CDH4: variants seen among roughly 807,000 people sequenced by gnomAD.
CDH4 encodes the protein cadherin-4.
CDH4 carries 33 observed loss-of-function variants against 86.0 expected under a neutral mutation model. That is an observed-to-expected ratio of 0.38 (90% CI 0.29 to 0.51). CDH4 has a LOEUF of 0.51. Among genes scored for constraint, CDH4 ranks in the 20% least tolerant of loss-of-function variants. CDH4 has a pLI of 0.86. For missense variants in CDH4, 1,114 were observed against 1,307.4 expected (o/e 0.85, Z 2.28); for synonymous variants, 555 against 549.4 (o/e 1.01, Z -0.14).
chr20:61,273,359 G>T (rs1236568877), intron 2 of CDH4, among the ~76,000 whole-genome samples: 2 of 135,200 alleles, frequency 1.5e-5, no homozygotes, highest in Non-Finnish European at 3.1e-5. Flanking sequence ...GTTTGGGGGA[G>T]TACCGTGTGC....
At chr20:61,827,128 G>A (rs975527203) in intron 4 of CDH4, among the ~76,000 whole-genome samples, 18 of 152,044 alleles carry the variant, frequency 1.2e-4, no homozygotes, top group African/African-American at 2.4e-4. Flanking sequence ...AATAGACCTC[G>A]GTGGATTTGA....
chr20:61,860,823 T>C (rs1240837781), intron 6 of CDH4, among the ~76,000 whole-genome samples: 1 of 152,114 alleles, frequency 6.6e-6, no homozygotes, highest in Non-Finnish European at 1.5e-5. Context: ...GGGCTCCTCC[T>C]GCAGGATCCT....
At chr20:61,387,958 T>G (rs1022814858) in intron 2 of CDH4, among the ~76,000 whole-genome samples, 5 of 152,192 alleles carry the variant, frequency 3.3e-5, no homozygotes, top group African/African-American at 9.6e-5. Context: ...TGTGTTTAGC[T>G]AAAAGGTATC....
chr20:61,630,553 C>T (rs913356019), intron 2 of CDH4, among the ~76,000 whole-genome samples: 4 of 152,182 alleles, frequency 2.6e-5, no homozygotes, highest in African/African-American at 9.7e-5. Context: ...GATCCAGGCT[C>T]CCCGTTTTGC....
intron 2 of CDH4, among the ~76,000 whole-genome samples, chr20:61,705,891 C>T (rs1275607951): frequency 1.3e-5 from 2 of 152,230 alleles, no homozygotes; most frequent in Non-Finnish European, 2.9e-5. Context: ...TCAAATACCC[C>T]AGTTGTGTCA....
rs748173902 is a variant in CDH4, at chr20:61,663,989, G to A, written c.170-79574G>A. Among the ~76,000 whole-genome samples the A allele has an allele frequency of 6.6e-5, 10 of 152,184 alleles. No homozygotes were observed. Among genetic ancestry groups the A allele is most frequent in the Non-Finnish European group, 1.0e-4 (7 of 68,038 alleles). On this transcript the variant is annotated intron_variant, in intron 2 of 15. Transcript: ENST00000614565. The surrounding 1 kb of genome is among the most constrained non-coding windows in gnomAD (Gnocchi z 5.0). ...GTCTGTGTGCCACCGGGACCCTTCCGTAGACATGCACCATGAAGACCAGGC... is the reference window on the plus strand; with the variant it reads ...GTCTGTGTGCCACCGGGACCCTTCCATAGACATGCACCATGAAGACCAGGC...
intron 2 of CDH4, among the ~76,000 whole-genome samples, chr20:61,471,121 C>T (rs2085499618): frequency 6.6e-6 from 1 of 151,982 alleles, no homozygotes; most frequent in African/African-American, 2.4e-5. Flanking sequence ...GATATTAGTT[C>T]TTTAAATATT....
chr20:61,445,457 G>GC, intron 2 of CDH4, among the ~76,000 whole-genome samples: 1 of 152,216 alleles, frequency 6.6e-6, no homozygotes, highest in South Asian at 2.1e-4. Context: ...TCTGAGGCAG[G>GC]CGGGGCATGG....
At chr20:61,766,547 C>T (rs923836601) in intron 3 of CDH4, among the ~76,000 whole-genome samples, 1 of 152,200 alleles carries the variant, frequency 6.6e-6, no homozygotes, top group Non-Finnish European at 1.5e-5. Flanking sequence ...ACATTCACCC[C>T]ACACCTGGCA....
At chr20:61,336,496 C>G (rs758727730) in intron 2 of CDH4, among the ~76,000 whole-genome samples, 1 of 152,126 alleles carries the variant, frequency 6.6e-6, no homozygotes, top group Non-Finnish European at 1.5e-5. Flanking sequence ...AGCACAATAC[C>G]TATTCCTTCT....
chr20:61,666,210 G>A (rs951085825), intron 2 of CDH4, among the ~76,000 whole-genome samples: 4 of 152,338 alleles, frequency 2.6e-5, no homozygotes, highest in South Asian at 2.1e-4. Context: ...TGGGGTGGCT[G>A]TTGCCACACT....
At chr20:61,500,584 T>A (rs1009164608) in intron 2 of CDH4, among the ~76,000 whole-genome samples, 8 of 152,222 alleles carry the variant, frequency 5.3e-5, no homozygotes, top group African/African-American at 1.9e-4. Context: ...AATGTCTGCA[T>A]TCTGCAATGT....
chr20:61,538,296 G>A (rs1046563682), intron 2 of CDH4, among the ~76,000 whole-genome samples: 10 of 152,172 alleles, frequency 6.6e-5, no homozygotes, highest in African/African-American at 2.4e-4. Context: ...CCGTCACTCT[G>A]GGAGAAGGAC....
intron 4 of CDH4, among the ~76,000 whole-genome samples, chr20:61,799,006 G>C (rs756136716): frequency 1.7e-4 from 26 of 152,216 alleles, no homozygotes; most frequent in African/African-American, 5.3e-4. Flanking sequence ...TAAGCTCAAG[G>C]CTTTCTTAAT....
chr20:61,850,407 A>G (rs576135289), intron 5 of CDH4, among the ~76,000 whole-genome samples: 1 of 152,300 alleles, frequency 6.6e-6, no homozygotes, highest in South Asian at 2.1e-4. Context: ...GGCCACTTCC[A>G]AGACCCTCAT....
At chr20:61,755,357 TGCCACACAC>T (rs1406119347) in intron 3 of CDH4, among the ~76,000 whole-genome samples, 1 of 132,748 alleles carries the variant, frequency 7.5e-6, no homozygotes, top group Non-Finnish European at 1.6e-5. Flanking sequence ...ACATAGTGCA[TGCCACACAC>T]ACCACACACA....
At chr20:61,500,306 A>G (rs185806463) in intron 2 of CDH4, among the ~76,000 whole-genome samples, 3 of 152,388 alleles carry the variant, frequency 2.0e-5, no homozygotes, top group Non-Finnish European at 4.4e-5. Flanking sequence ...CACGTGCACA[A>G]TGATCACCAA....
At chr20:61,600,552 A>G (rs2207543) in intron 2 of CDH4, among the ~76,000 whole-genome samples, 146,159 of 152,258 alleles carry the variant, frequency 0.96, 70,221 homozygotes, top group East Asian at 1. Flanking sequence ...CCCGCAACTC[A>G]CCCTGCGCAG....
intron 2 of CDH4, among the ~76,000 whole-genome samples, chr20:61,362,319 A>T (rs2084787823): frequency 6.6e-6 from 1 of 152,018 alleles, no homozygotes; most frequent in Non-Finnish European, 1.5e-5. Context: ...GAGAGCGGAG[A>T]CGTGGCCTAG....
Sources: allele counts gnomAD v4.1 joint callset (sites outside exome capture counted in the v4.1 genomes callset), GRCh38; gene constraint gnomAD v4.1.1; non-coding constraint Gnocchi (gnomAD v3.1); transcripts MANE v1.5; gene names NCBI Gene and HGNC (gene_info 2026-07-23, HGNC 2026-07-21).